GMNN: variants seen among roughly 807,000 people sequenced by gnomAD.
GMNN encodes geminin.
In GMNN, 14 loss-of-function variants were observed where a neutral mutation model predicts 20.9. That is an observed-to-expected ratio of 0.67 (90% confidence interval 0.44 to 1.05). The LOEUF (loss-of-function observed/expected upper bound fraction) is 1.05. Ranked by LOEUF, GMNN falls within the 50% of genes least tolerant of loss-of-function variation. The pLI is 0.00. For synonymous variants in GMNN, 81 were observed against 85.8 expected (o/e 0.94, Z 0.31); for missense variants, 227 against 243.8 (o/e 0.93, Z 0.46).
chr6:24,777,356 T>C, intron 2 of GMNN, 59 bp downstream of exon 2: 2 of 641,890 alleles, frequency 3.1e-6, no homozygotes, highest in Non-Finnish European at 5.3e-6. Flanking sequence ...AAAAGTATTT[T>C]GACATAATTT....
chr6:24,779,150 T>C (rs552545322), intron 2 of GMNN, among the ~76,000 whole-genome samples: 43 of 152,346 alleles, frequency 2.8e-4, no homozygotes, highest in Middle Eastern at 3.4e-3. Flanking sequence ...TGTGCTTTTA[T>C]GTGAATTTTT....
chr6:24,786,093 T>C lies in GMNN; in HGVS notation c.*294T>C. The C allele has an allele frequency of 4.4e-6, 1 of 224,988 alleles. No homozygotes were observed. The allele number at this position is 224,988 out of a possible 1,614,324, so 13.9% of individuals were successfully genotyped here. A position where few individuals can be genotyped will look rare whatever the true frequency, so the allele number is the denominator to read the frequency against. On this transcript the variant is annotated 3_prime_UTR_variant, in exon 7 of 7. Transcript: ENST00000230056. ...AATAATGAAATATAAGGAGTATGTG[T>C]AGAAAATTTGTCTGTTTCTATGCTT...
chr6:24,778,494 C>T (rs746002965), intron 2 of GMNN, among the ~76,000 whole-genome samples: 7 of 151,992 alleles, frequency 4.6e-5, no homozygotes, highest in Non-Finnish European at 1.0e-4. Flanking sequence ...AGAGTAAGAC[C>T]CTGTACCTAA....
intron 2 of GMNN, among the ~76,000 whole-genome samples, chr6:24,780,087 A>G (rs1581427831): frequency 6.6e-6 from 1 of 152,232 alleles, no homozygotes; most frequent in Admixed American, 6.5e-5. Context: ...GATTAGGGAA[A>G]GAAATATTTT....
At chr6:24,778,911 T>G (rs1780140165) in intron 2 of GMNN, among the ~76,000 whole-genome samples, 1 of 152,232 alleles carries the variant, frequency 6.6e-6, no homozygotes, top group African/African-American at 2.4e-5. Context: ...CCAAATAATT[T>G]ATATATTTCC....
Position 24,777,279 on chromosome 6 carries a change from A to T in GMNN, c.33A>T (p.Glu11Asp). ...CCAGTATGAAGCAGAAACAAGAAGA[A>T]ATCAAAGAGAATATAAAGGTATGTG... MNPSMKQKQE[E>D]IKENIKNSSV... The change falls in exon 2 of 7, where the codon GAA (glutamate) becomes GAT (aspartate). Residue 11 changes from glutamate (E) to aspartate (D), a missense_variant. Transcript: ENST00000230056. 1.5e-6 allele frequency: 2 copies of T among 1,360,726 alleles called. No individual in the cohort carries two copies. Among genetic ancestry groups the T allele is most frequent in the Non-Finnish European group, 2.0e-6 (2 of 978,048 alleles). 84.3% of individuals were successfully genotyped at this position (1,360,726 alleles called of 1,614,324 possible).
intron 1 of GMNN, chr6:24,775,743 AG>A (rs1221484832): frequency 1.3e-5 from 2 of 152,244 alleles, no homozygotes; most frequent in Non-Finnish European, 2.9e-5. Context: ...ATAACAAGTA[AG>A]GGTTGCAAGG....
intron 3 of GMNN, among the ~76,000 whole-genome samples, 188 bp from the exon 4 acceptor site, chr6:24,781,289 G>A (rs1421714879): frequency 6.6e-6 from 1 of 151,984 alleles, no homozygotes; most frequent in Non-Finnish European, 1.5e-5. Flanking sequence ...AATAATTGTT[G>A]CAAATAAAAT....
chr6:24,781,353 A>G (rs1264959492), intron 3 of GMNN, 124 bp from the exon 4 acceptor site: 1 of 489,228 alleles, frequency 2.0e-6, no homozygotes, highest in Non-Finnish European at 3.6e-6. Context: ...TAACTTTTTT[A>G]AAGATCCAGA....
At chr6:24,784,621 G>A in intron 6 of GMNN, 67 bp downstream of exon 6, 1 of 712,812 alleles carries the variant, frequency 1.4e-6, no homozygotes, top group Non-Finnish European at 2.5e-6. Flanking sequence ...GTAGTGTAGT[G>A]TGATCACTTT....
intron 6 of GMNN, among the ~76,000 whole-genome samples, chr6:24,784,937 A>T (rs1425076700): frequency 6.6e-6 from 1 of 152,206 alleles, no homozygotes; most frequent in Non-Finnish European, 1.5e-5. Flanking sequence ...AAATATGTAT[A>T]GCAAATTATT....
At position 24,782,849 on chromosome 6, in the gene GMNN, TTATTA is replaced by T. The variant is rs1217401832; in HGVS notation, c.274+1233_275-1229del. On this transcript the variant is annotated intron_variant, in intron 4 of 6. Coordinates refer to ENST00000230056, the MANE Select transcript of GMNN (RefSeq NM_015895.5). Reference sequence around the variant, plus strand: ...CTTTATTACATTTGTTGTTTGAACTTTATTATATTTGTTGACAGTGGTATTAGTGT... The same window carrying T: ...CTTTATTACATTTGTTGTTTGAACTTTATTTGTTGACAGTGGTATTAGTGT... 2.0e-5 allele frequency among the ~76,000 whole-genome samples: 3 copies of T among 151,966 alleles called. No homozygotes were observed. The South Asian group carries it at 6.2e-4, about 32-fold the overall frequency.
chr6:24,777,436 C>A (rs1780102574), intron 2 of GMNN, 139 bp downstream of exon 2: 2 of 421,678 alleles, frequency 4.7e-6, no homozygotes, highest in East Asian at 7.3e-5. Flanking sequence ...CAATAGAGAA[C>A]ATTTTTAAAA....
intron 1 of GMNN, 192 bp downstream of exon 1, chr6:24,775,436 C>A (rs1780039230): frequency 6.6e-6 from 1 of 152,306 alleles, no homozygotes; most frequent in African/African-American, 2.4e-5. Context: ...ACACTGCCCG[C>A]CCCCTAGCCT....
chr6:24,781,664 A>G (rs1029071851), intron 4 of GMNN, 43 bp downstream of exon 4: 2 of 966,932 alleles, frequency 2.1e-6, no homozygotes, highest in Non-Finnish European at 2.9e-6. Context: ...TTAAATTATG[A>G]TATAAGGAAA....
chr6:24,784,394 T>G (rs780917145), intron 5 of GMNN, 50 bp from the exon 6 acceptor site: 1 of 869,412 alleles, frequency 1.2e-6, no homozygotes, highest in Non-Finnish European at 2.0e-6. Context: ...GTAATTTGAT[T>G]TATAGCATAG....
In GMNN at chr6:24,777,238, A is replaced by G. The variant is rs148482261; in HGVS notation, c.-9A>G. On this transcript the variant is annotated 5_prime_UTR_variant, in exon 2 of 7. Transcript: ENST00000230056. ...AATTACTAGTCTTCTGTGCTTCACCATCTACATAATGAATCCCAGTATGAA... is the reference window on the plus strand; with the variant it reads ...AATTACTAGTCTTCTGTGCTTCACCGTCTACATAATGAATCCCAGTATGAA... 1.3e-4 allele frequency: 172 copies of G among 1,351,632 alleles called. 1 individual carries two copies. In the East Asian group the frequency reaches 3.4e-3, roughly 26 times the overall value. The allele number at this position is 1,351,632 out of a possible 1,614,324, so 83.7% of individuals were successfully genotyped here. A position where few individuals can be genotyped will look rare whatever the true frequency, so the allele number is the denominator to read the frequency against.
At chr6:24,777,611 T>G (rs1186612740) in intron 2 of GMNN, 1 of 172,652 alleles carries the variant, frequency 5.8e-6, no homozygotes, top group Non-Finnish European at 1.2e-5. Context: ...TGGAATTGTT[T>G]CCTTAATTTC....
In GMNN at chr6:24,784,511, C is replaced by A. The variant is rs201212043; in HGVS notation, c.425C>A (p.Ala142Glu). Residue 142 changes from alanine to glutamate, a missense_variant, in exon 6 of 7, where the codon GCA becomes GAA. Physicochemically the swap from Ala to Glu is moderately radical, Grantham distance 107. Coordinates refer to ENST00000230056, the MANE Select transcript of GMNN (RefSeq NM_015895.5). ...CTGAAAAAGGAGAATAAAGAACTGG[C>A]AGAAGTAGCAGAACATGTACAGTAT... ...ARLKKENKEL[A>E]EVAEHVQYMA... 28 of 1,564,834 alleles carry A rather than the reference C, an allele frequency of 1.8e-5. No individual in the cohort carries two copies. The East Asian group carries it at 2.2e-4, about 13-fold the overall frequency.
Sources: allele counts gnomAD v4.1 joint callset (sites outside exome capture counted in the v4.1 genomes callset), GRCh38; gene constraint gnomAD v4.1.1; transcripts MANE v1.5; gene names NCBI Gene and HGNC (gene_info 2026-07-23, HGNC 2026-07-21).